Variants in ANKRD55 observed in about 807,000 individuals in gnomAD.
ANKRD55 encodes ankyrin repeat domain-containing protein 55.
Under a neutral mutation model 60.6 loss-of-function variants are expected in ANKRD55, and 41 were observed. The ratio of observed to expected loss-of-function variants is 0.68; its 90% CI spans 0.53 to 0.88. ANKRD55 has a LOEUF of 0.88. Among genes scored for constraint, ANKRD55 ranks in the 40% least tolerant of loss-of-function variants. The pLI is 0.00. For synonymous variants in ANKRD55, 264 were observed against 290.3 expected (o/e 0.91, Z 0.92); for missense variants, 732 against 767.6 (o/e 0.95, Z 0.55).
chr5:56,173,733 A>G (rs1016331422), intron 4 of ANKRD55, among the ~76,000 whole-genome samples: 8 of 151,118 alleles, frequency 5.3e-5, no homozygotes, highest in South Asian at 2.1e-4. Flanking sequence ...TAGTAGAGAC[A>G]GGGTTTCTCC....
At chr5:56,182,767 C>T (rs1758878869) in intron 3 of ANKRD55, among the ~76,000 whole-genome samples, 1 of 152,276 alleles carries the variant, frequency 6.6e-6, no homozygotes, top group African/African-American at 2.4e-5. Context: ...CTCATTATTG[C>T]AAGGTGGCAT....
intron 2 of ANKRD55, among the ~76,000 whole-genome samples, chr5:56,199,595 A>AC (rs1346922151): frequency 2.0e-5 from 3 of 151,996 alleles, no homozygotes; most frequent in African/African-American, 7.3e-5. Flanking sequence ...AAAAAAAAAA[A>AC]AAAACTTGGG....
chr5:56,189,795 A>C (rs1388132238), intron 2 of ANKRD55, among the ~76,000 whole-genome samples: 1 of 152,130 alleles, frequency 6.6e-6, no homozygotes, highest in African/African-American at 2.4e-5. Flanking sequence ...TGGGTCTACA[A>C]ATCTTTTTGC....
intron 7 of ANKRD55, among the ~76,000 whole-genome samples, chr5:56,131,823 A>AAG (rs1757425439): frequency 6.8e-6 from 1 of 146,202 alleles, no homozygotes; most frequent in African/African-American, 2.5e-5. Flanking sequence ...AAAAAAAAAA[A>AAG]GTAGTTTCTT....
intron 7 of ANKRD55, among the ~76,000 whole-genome samples, chr5:56,128,702 C>A (rs1757337490): frequency 6.6e-6 from 1 of 152,198 alleles, no homozygotes; most frequent in African/African-American, 2.4e-5. Flanking sequence ...TGTACTAACT[C>A]ATGAACAACA....
chr5:56,204,091 G>C (rs1395428003), intron 2 of ANKRD55, among the ~76,000 whole-genome samples: 1 of 152,102 alleles, frequency 6.6e-6, no homozygotes, highest in Non-Finnish European at 1.5e-5. Flanking sequence ...GTGATGATGA[G>C]CATTTTTTCA....
chr5:56,232,149 A>G (rs1303382770), intron 2 of ANKRD55, among the ~76,000 whole-genome samples: 1 of 152,272 alleles, frequency 6.6e-6, no homozygotes, highest in Non-Finnish European at 1.5e-5. Flanking sequence ...AGATGTATAT[A>G]AACACATTGC....
At chr5:56,137,592 T>G in intron 7 of ANKRD55, 3 of 637,322 alleles carry the variant, frequency 4.7e-6, no homozygotes, top group Non-Finnish European at 8.4e-6. Flanking sequence ...TTCCAGGAGA[T>G]AACAGGAGCA....
chr5:56,128,555 C>G (rs538757532), intron 7 of ANKRD55, among the ~76,000 whole-genome samples: 14 of 152,300 alleles, frequency 9.2e-5, no homozygotes, highest in African/African-American at 3.4e-4. Context: ...ATTCCTTTGT[C>G]TCTATACCTG....
intron 5 of ANKRD55, among the ~76,000 whole-genome samples, chr5:56,166,158 T>TTTCTTTC (rs1554040812): frequency 0.012 from 883 of 72,388 alleles, 65 homozygotes; most frequent in South Asian, 0.019. Flanking sequence ...TTCTTTCTTC[T>TTTCTTTC]TTCCTTCCTT....
chr5:56,111,213 G>A lies in ANKRD55; in HGVS notation c.1535C>T (p.Ser512Phe). 1 of 1,614,206 alleles carries A rather than the reference G, an allele frequency of 6.2e-7. No individual in the cohort carries two copies. Among genetic ancestry groups the A allele is most frequent in the African/African-American group, 1.3e-5 (1 of 75,052 alleles). Residue 512 changes from serine to phenylalanine, a missense_variant, in exon 10 of 12, where the codon TCT becomes TTT. Ser to Phe is a radical substitution (Grantham distance 155). Coordinates refer to ENST00000341048, the MANE Select transcript of ANKRD55 (RefSeq NM_024669.3). ...FSYKVWTVSS[S>F]DKLLDRLLSV... ...GAGCAATCTGTCCAGCAGCTTATCA[G>A]AAGAAGACACAGTCCAAACTTTGTA...
intron 7 of ANKRD55, among the ~76,000 whole-genome samples, chr5:56,138,420 C>G (rs1352954589): frequency 2.0e-5 from 3 of 152,156 alleles, no homozygotes; most frequent in African/African-American, 7.2e-5. Context: ...GCCAACGTGC[C>G]TGGTCATTTT....
At chr5:56,231,759 A>G (rs573066934) in intron 2 of ANKRD55, among the ~76,000 whole-genome samples, 2 of 152,276 alleles carry the variant, frequency 1.3e-5, no homozygotes, top group Admixed American at 1.3e-4. Flanking sequence ...ATACACATAT[A>G]TACATTAGCT....
At chr5:56,175,790 G>C (rs1000673417) in intron 4 of ANKRD55, among the ~76,000 whole-genome samples, 5 of 152,144 alleles carry the variant, frequency 3.3e-5, no homozygotes, top group Non-Finnish European at 7.4e-5. Context: ...ATGTTAATTG[G>C]ATCTTCACAG....
chr5:56,192,178 A>T (rs993787704), intron 2 of ANKRD55, among the ~76,000 whole-genome samples: 3 of 152,154 alleles, frequency 2.0e-5, no homozygotes, highest in African/African-American at 4.8e-5. Flanking sequence ...CACTGCTTAC[A>T]TGAGGAGCAT....
chr5:56,181,816 A>G (rs1758854629), intron 3 of ANKRD55, among the ~76,000 whole-genome samples: 1 of 152,144 alleles, frequency 6.6e-6, no homozygotes, highest in Non-Finnish European at 1.5e-5. Flanking sequence ...TCTTGACCTC[A>G]AGTCCTGATC....
chr5:56,165,700 T>C (rs1758430000), intron 5 of ANKRD55, among the ~76,000 whole-genome samples: 1 of 151,980 alleles, frequency 6.6e-6, no homozygotes, highest in Non-Finnish European at 1.5e-5. Context: ...GAGGCTGAGG[T>C]GGGCGGATCA....
intron 2 of ANKRD55, among the ~76,000 whole-genome samples, chr5:56,206,692 A>G (rs1759519116): frequency 6.6e-6 from 1 of 152,152 alleles, no homozygotes; most frequent in South Asian, 2.1e-4. Context: ...CTTGTTCCCC[A>G]TTCTGCACTC....
intron 6 of ANKRD55, among the ~76,000 whole-genome samples, chr5:56,151,984 T>C (rs1053352588): frequency 6.7e-5 from 10 of 148,722 alleles, no homozygotes; most frequent in African/African-American, 2.5e-4. Flanking sequence ...CACTAAAGCT[T>C]TTGTGCAAGC....
Sources: allele counts gnomAD v4.1 joint callset (sites outside exome capture counted in the v4.1 genomes callset), GRCh38; gene constraint gnomAD v4.1.1; transcripts MANE v1.5; gene names NCBI Gene and HGNC (gene_info 2026-07-23, HGNC 2026-07-21).